NAV2: variants seen among roughly 807,000 people sequenced by gnomAD.
NAV2 encodes the protein neuron navigator 2.
In NAV2, 54 loss-of-function variants were observed where a neutral mutation model predicts 223.2. The ratio of observed to expected loss-of-function variants is 0.24; its 90% confidence interval spans 0.19 to 0.30. The LOEUF is 0.30. Among genes scored for constraint, NAV2 ranks in the 10% least tolerant of loss-of-function variants. The pLI is 1.00. For synonymous variants in NAV2, 1,279 were observed against 1,239.3 expected (o/e 1.03, Z -0.67); for missense variants, 2,806 against 3,147.5 (o/e 0.89, Z 2.60).
intron 6 of NAV2, among the ~76,000 whole-genome samples, chr11:19,927,687 T>TTAAAA (rs1478026129): frequency 9.0e-6 from 1 of 111,280 alleles, no homozygotes; most frequent in African/African-American, 3.5e-5. Flanking sequence ...ACTACATCTT[T>TTAAAA]TAAAACAAAA....
chr11:20,033,980 C>A (rs2056068247), intron 11 of NAV2, among the ~76,000 whole-genome samples: 1 of 152,232 alleles, frequency 6.6e-6, no homozygotes, highest in Admixed American at 6.5e-5. Context: ...AGACCTGCCA[C>A]TCCTGGCTGA....
Position 20,118,127 on chromosome 11 carries a change from C to T in NAV2, c.7165-6C>T. 6.2e-7 allele frequency: 1 copy of T among 1,613,790 alleles called. No individual in the cohort carries two copies. The highest frequency in any genetic ancestry group is 8.5e-7 in the Non-Finnish European group (1 of 1,179,950). On this transcript the variant is annotated splice_region_variant and splice_polypyrimidine_tract_variant and intron_variant, in intron 37 of 37. Coordinates refer to ENST00000349880, the MANE Select transcript of NAV2 (RefSeq NM_145117.5). ...AGCAGCTCATGCTTCTCCACTCTTC[C>T]CCTAGATGAACATGCTGATGAGGCT...
chr11:19,381,580 C>T (rs754213673), intron 1 of NAV2, among the ~76,000 whole-genome samples: 1 of 152,098 alleles, frequency 6.6e-6, no homozygotes, highest in Non-Finnish European at 1.5e-5. Flanking sequence ...AAGCTTGCTG[C>T]CCAGGGAAGA....
chr11:19,840,616 C>T (rs1168471912), intron 2 of NAV2, among the ~76,000 whole-genome samples: 1 of 152,292 alleles, frequency 6.6e-6, no homozygotes, highest in East Asian at 1.9e-4. Flanking sequence ...GTGTCAAAAT[C>T]CAAGGTCAGA....
chr11:19,959,366 T>C (rs1170445780), intron 10 of NAV2, among the ~76,000 whole-genome samples: 2 of 152,074 alleles, frequency 1.3e-5, no homozygotes, highest in Non-Finnish European at 2.9e-5. Context: ...CAGATGGTGG[T>C]GAATGTTAAC....
intron 6 of NAV2, among the ~76,000 whole-genome samples, chr11:19,892,987 A>G (rs1255753642): frequency 6.6e-6 from 1 of 152,150 alleles, no homozygotes; most frequent in African/African-American, 2.4e-5. Context: ...ATCCGTCAGA[A>G]ATAATGTGAG....
chr11:20,035,230 A>G (rs746287990), intron 11 of NAV2, among the ~76,000 whole-genome samples: 1 of 151,996 alleles, frequency 6.6e-6, no homozygotes, highest in Non-Finnish European at 1.5e-5. Context: ...ACATTTGGAT[A>G]TGTTTTGGAA....
At chr11:20,067,055 T>C (rs1280946394) in intron 20 of NAV2, among the ~76,000 whole-genome samples, 2 of 152,092 alleles carry the variant, frequency 1.3e-5, no homozygotes, top group Non-Finnish European at 2.9e-5. Flanking sequence ...GGCTAGCAGG[T>C]ACCTGTGTCA....
chr11:19,496,883 G>C (rs1477895694), intron 1 of NAV2, among the ~76,000 whole-genome samples: 1 of 152,118 alleles, frequency 6.6e-6, no homozygotes, highest in Non-Finnish European at 1.5e-5. Flanking sequence ...GACTATTTTT[G>C]CTTAAGGCCA....
chr11:19,604,525 G>T (rs1435668816), intron 1 of NAV2, among the ~76,000 whole-genome samples: 1 of 150,722 alleles, frequency 6.6e-6, no homozygotes, highest in Non-Finnish European at 1.5e-5. Flanking sequence ...GAGAGTTTGG[G>T]GACATATTAG....
rs553442224 is a variant in NAV2 at position 19,995,978 on chromosome 11, C to T, written c.2768+11731C>T. ...TGTCAGGTCATTTGGAGGGACTCTC[C>T]TATGCTGTGATTTTTCATGCAGTTG... On this transcript the variant is annotated intron_variant, in intron 11 of 37. Coordinates refer to ENST00000349880, the MANE Select transcript of NAV2 (RefSeq NM_145117.5). Among the ~76,000 whole-genome samples the T allele has an allele frequency of 3.9e-5, 6 of 152,280 alleles. 1 individual carries two copies. In the South Asian group the frequency reaches 1.2e-3, roughly 32 times the overall value.
At chr11:20,011,891 G>T (rs2053588622) in intron 11 of NAV2, among the ~76,000 whole-genome samples, 1 of 152,208 alleles carries the variant, frequency 6.6e-6, no homozygotes, top group Admixed American at 6.5e-5. Context: ...AAACAAAAAT[G>T]CAAAGACCAT....
At position 19,941,277 on chromosome 11, in the gene NAV2, C is replaced by T. The variant is rs371026909; in HGVS notation, c.2146+1504C>T. ...ACCCTGAAATGCTGTCAATCGGCTG[C>T]GGGGAAGAGACTGTGCAGCCAGTAG... On this transcript the variant is annotated intron_variant, in intron 8 of 37. Coordinates refer to ENST00000349880, the MANE Select transcript of NAV2 (RefSeq NM_145117.5). 2.8e-4 allele frequency among the ~76,000 whole-genome samples: 42 copies of T among 151,956 alleles called. 1 individual carries two copies. Among genetic ancestry groups the T allele is most frequent in the Admixed American group, 2.0e-3 (30 of 15,268 alleles).
At chr11:19,698,050 A>C (rs1056773195) in intron 1 of NAV2, among the ~76,000 whole-genome samples, 9 of 152,166 alleles carry the variant, frequency 5.9e-5, no homozygotes, top group African/African-American at 2.2e-4. Flanking sequence ...CACTCATCAC[A>C]GCACAGGGCT....
At chr11:19,357,089 T>C (rs186487729) in intron 1 of NAV2, among the ~76,000 whole-genome samples, 3 of 152,200 alleles carry the variant, frequency 2.0e-5, no homozygotes, top group Admixed American at 6.5e-5. Context: ...AACCAAATCA[T>C]TGAGTCCTCA....
At chr11:19,726,774 A>C (rs2051291055) in intron 1 of NAV2, among the ~76,000 whole-genome samples, 2 of 152,232 alleles carry the variant, frequency 1.3e-5, no homozygotes, top group Admixed American at 1.3e-4. Context: ...GCCTTGCCCC[A>C]GACCTGCTGA....
chr11:20,003,320 C>T lies in NAV2; in HGVS notation c.2768+19073C>T, dbSNP rs557024419. On this transcript the variant is annotated intron_variant, in intron 11 of 37. Transcript: ENST00000349880. ...CTGTATTGAGGGTCTATTTTATCTG[C>T]ATATCCATTTATGAGGGGAAAAACT... 3.3e-5 allele frequency among the ~76,000 whole-genome samples: 5 copies of T among 152,272 alleles called. No individual in the cohort carries two copies. In the South Asian group the frequency reaches 1.0e-3, roughly 32 times the overall value.
chr11:19,530,018 C>T (rs1054579947), intron 1 of NAV2, among the ~76,000 whole-genome samples: 1 of 152,148 alleles, frequency 6.6e-6, no homozygotes, highest in Non-Finnish European at 1.5e-5. Flanking sequence ...GTCTCCCTTC[C>T]CCCAGTGGAA....
At chr11:19,672,043 T>C (rs2135812394) in intron 1 of NAV2, among the ~76,000 whole-genome samples, 1 of 152,272 alleles carries the variant, frequency 6.6e-6, no homozygotes, top group Non-Finnish European at 1.5e-5. Context: ...TTGGGGAAGA[T>C]TTCCGAGTTG....
Sources: allele counts gnomAD v4.1 joint callset (sites outside exome capture counted in the v4.1 genomes callset), GRCh38; gene constraint gnomAD v4.1.1; transcripts MANE v1.5; gene names NCBI Gene and HGNC (gene_info 2026-07-23, HGNC 2026-07-21).